The following DCAF6 variants were observed in gnomAD, a reference collection of about 807,000 sequenced individuals.
DCAF6 encodes DDB1- and CUL4-associated factor 6.
DCAF6 carries 54 observed loss-of-function variants against 125.1 expected under a neutral mutation model. The observed-to-expected ratio is 0.43, with a 90% CI of 0.35 to 0.54. The LOEUF (loss-of-function observed/expected upper bound fraction) is 0.54, where lower values mean the gene tolerates loss of function less well. Ranked by LOEUF, DCAF6 falls within the 20% of genes least tolerant of loss-of-function variation. The probability of loss-of-function intolerance (pLI) is 0.01; values close to 1 mark genes in which losing one functional copy is unlikely to be tolerated. For synonymous variants in DCAF6, 371 were observed against 390.4 expected (o/e 0.95, Z 0.58); for missense variants, 934 against 1,161.7 (o/e 0.80, Z 2.85).
At chr1:167,951,068 C>T (rs1353046582) in intron 1 of DCAF6, among the ~76,000 whole-genome samples, 1 of 152,202 alleles carries the variant, frequency 6.6e-6, no homozygotes, top group African/African-American at 2.4e-5. Flanking sequence ...TATTTTTCTG[C>T]ATAGCACTAT....
intron 4 of DCAF6, among the ~76,000 whole-genome samples, chr1:167,987,246 CT>C (rs1680138918): frequency 6.6e-6 from 1 of 152,106 alleles, no homozygotes. Context: ...CTTCAGATAA[CT>C]TTTTATCTGA....
chr1:168,023,281 C>T (rs1274400101), intron 12 of DCAF6: 7 of 562,216 alleles, frequency 1.2e-5, no homozygotes, highest in Non-Finnish European at 1.9e-5. Context: ...CAACTTTGAA[C>T]TCTCTCCCTA....
the DCAF6 span, chr1:167,905,032 C>T: frequency 1.2e-6 from 2 of 1,614,170 alleles, no homozygotes; most frequent in Non-Finnish European, 8.5e-7. Context: ...TCAAAATAAT[C>T]CATAAAGGGT....
chr1:167,980,578 T>C (rs184467210), intron 4 of DCAF6, among the ~76,000 whole-genome samples: 1 of 152,316 alleles, frequency 6.6e-6, no homozygotes, highest in East Asian at 1.9e-4. Context: ...AAGTTGAGCT[T>C]CTTTTCATAT....
intron 16 of DCAF6, among the ~76,000 whole-genome samples, chr1:168,049,222 T>G (rs570566983): frequency 6.6e-6 from 1 of 152,198 alleles, no homozygotes; most frequent in African/African-American, 2.4e-5. Flanking sequence ...TTTTAGTGAT[T>G]TTATATACTG....
rs1013608724 is a variant in DCAF6 at position 167,989,977 on chromosome 1, A to G, written c.553-1227A>G. Reference sequence around the variant, plus strand: ...GGGGTACTAGCTCTTACATTTTCTAATTCTTCTACAGAGATAAGTAATAAC... The same window carrying G: ...GGGGTACTAGCTCTTACATTTTCTAGTTCTTCTACAGAGATAAGTAATAAC... On this transcript the variant is annotated intron_variant, in intron 5 of 21. Transcript: ENST00000367840. Among the ~76,000 whole-genome samples, 27 of 152,202 alleles carry G rather than the reference A, an allele frequency of 1.8e-4. 2 individuals carry two copies.
At chr1:167,888,755 G>A in the DCAF6 span, among the ~76,000 whole-genome samples, 27 of 151,462 alleles carry the variant, frequency 1.8e-4, no homozygotes, top group African/African-American at 6.3e-4. Flanking sequence ...GGGCGCCTGT[G>A]GTCCCAGCTA....
the DCAF6 span, among the ~76,000 whole-genome samples, chr1:167,864,557 G>A: frequency 1.3e-5 from 2 of 151,978 alleles, no homozygotes; most frequent in African/African-American, 4.8e-5. Flanking sequence ...CAGAAAGAGA[G>A]GAAGAAACAG....
At chr1:168,026,437 A>T (rs1686351873) in intron 12 of DCAF6, among the ~76,000 whole-genome samples, 1 of 152,180 alleles carries the variant, frequency 6.6e-6, no homozygotes, top group Admixed American at 6.5e-5. Flanking sequence ...AAGGAGTAAG[A>T]TTGAAAACAC....
chr1:168,041,334 A>G (rs1572060234), intron 13 of DCAF6, among the ~76,000 whole-genome samples: 1 of 151,892 alleles, frequency 6.6e-6, no homozygotes, highest in Non-Finnish European at 1.5e-5. Flanking sequence ...GGATTATACC[A>G]TTTGTCTTTC....
chr1:168,047,954 C>T (rs2101824984), intron 16 of DCAF6, among the ~76,000 whole-genome samples: 2 of 152,218 alleles, frequency 1.3e-5, no homozygotes, highest in South Asian at 2.1e-4. Context: ...ATTTCTGCAC[C>T]TTTCTAAGGG....
chr1:168,004,079 A>G (rs1478480349), intron 9 of DCAF6, 90 bp downstream of exon 9: 13 of 1,416,586 alleles, frequency 9.2e-6, no homozygotes, highest in Non-Finnish European at 1.3e-5. Context: ...AAATTATACC[A>G]TGTTTTACAT....
chr1:168,072,298 A>G (rs994025818), intron 21 of DCAF6, among the ~76,000 whole-genome samples: 4 of 119,938 alleles, frequency 3.3e-5, no homozygotes, highest in Non-Finnish European at 6.3e-5. Flanking sequence ...TCAGTCTAAA[A>G]AAAAAAAAAA....
At chr1:167,944,852 G>T (rs1482446185) in intron 1 of DCAF6, among the ~76,000 whole-genome samples, 1 of 151,888 alleles carries the variant, frequency 6.6e-6, no homozygotes, top group African/African-American at 2.4e-5. Context: ...TATAGTTTTG[G>T]GTCTTACACT....
At chr1:167,881,584 T>C in the DCAF6 span, among the ~76,000 whole-genome samples, 8 of 152,232 alleles carry the variant, frequency 5.3e-5, no homozygotes. Flanking sequence ...CAAGAGCTTT[T>C]GATTCCCCCT....
intron 21 of DCAF6, among the ~76,000 whole-genome samples, chr1:168,071,569 G>A (rs1404968282): frequency 1.3e-5 from 2 of 152,222 alleles, no homozygotes; most frequent in Admixed American, 6.5e-5. Context: ...GGGAGGTAGA[G>A]GTTGCAGTGA....
chr1:167,933,005 A>G (rs1208233041), upstream of DCAF6, among the ~76,000 whole-genome samples: 2 of 152,006 alleles, frequency 1.3e-5, no homozygotes, highest in African/African-American at 4.8e-5. Context: ...CTTGACCAGG[A>G]CACACATTTG....
intron 1 of DCAF6, among the ~76,000 whole-genome samples, chr1:167,943,306 CAA>C (rs911445087): frequency 2.0e-5 from 3 of 152,152 alleles, no homozygotes; most frequent in African/African-American, 7.2e-5. Flanking sequence ...TCAATTTCTA[CAA>C]AAAGACTTGG....
chr1:167,979,467 C>G (rs951266117), intron 4 of DCAF6, among the ~76,000 whole-genome samples: 1 of 152,142 alleles, frequency 6.6e-6, no homozygotes, highest in Admixed American at 6.6e-5. Flanking sequence ...TGTAATCATG[C>G]AGTATTTGAC....
Sources: gnomAD v4.1 joint callset for allele counts (sites outside exome capture counted in the v4.1 genomes callset) on GRCh38, gnomAD v4.1.1 for gene constraint, MANE v1.5 for transcripts, NCBI Gene and HGNC (gene_info 2026-07-23, HGNC 2026-07-21) for gene names.